COL17A1: variants seen among roughly 807,000 people sequenced by gnomAD.
COL17A1 encodes the protein collagen alpha-1(XVII) chain.
A neutral mutation model predicts 218.4 loss-of-function variants in COL17A1; 181 were observed. The observed-to-expected ratio is 0.83, with a 90% CI of 0.73 to 0.94. The LOEUF is 0.94. Ranked by LOEUF, COL17A1 falls within the 40% of genes least tolerant of loss-of-function variation. The pLI is 0.00. For missense variants in COL17A1, 1,924 were observed against 1,945.9 expected (o/e 0.99, Z 0.21); for synonymous variants, 721 against 731.0 (o/e 0.99, Z 0.22).
At chr10:104,046,117 G>A (rs1355138149) in intron 32 of COL17A1, among the ~76,000 whole-genome samples, 2 of 152,194 alleles carry the variant, frequency 1.3e-5, no homozygotes, top group East Asian at 1.9e-4. Context: ...TCCCCTGCAG[G>A]GGAGGGGCTC....
chr10:104,035,459 C>G lies in COL17A1; in HGVS notation c.3508+15G>C. 1 of 1,613,962 alleles carries G rather than the reference C, an allele frequency of 6.2e-7. No homozygotes were observed. Among genetic ancestry groups the G allele is most frequent in the Non-Finnish European group, 8.5e-7 (1 of 1,179,930 alleles). Reference sequence around the variant, plus strand: ...TCCCCAACCAGTTGGACAGATGTCCCCTGCTGGGCCTTACCTCGCAGCAAG... The same window carrying G: ...TCCCCAACCAGTTGGACAGATGTCCGCTGCTGGGCCTTACCTCGCAGCAAG... On this transcript the variant is annotated intron_variant, in intron 49 of 55. Coordinates refer to ENST00000648076, the MANE Select transcript of COL17A1 (RefSeq NM_000494.4).
chr10:104,035,987 C>T (rs28579162), intron 48 of COL17A1, among the ~76,000 whole-genome samples: 2 of 102,300 alleles, frequency 2.0e-5, no homozygotes, highest in Non-Finnish European at 3.9e-5. Flanking sequence ...TATGGGAATG[C>T]GTGTGTGTAT....
chr10:104,054,907 C>A, intron 20 of COL17A1, 74 bp downstream of exon 20: 1 of 1,610,282 alleles, frequency 6.2e-7, no homozygotes, highest in Non-Finnish European at 8.5e-7. Context: ...GGTGGGTTTT[C>A]TGACACTTGC....
At chr10:104,043,187 C>T (rs1035842982) in intron 35 of COL17A1, among the ~76,000 whole-genome samples, 8 of 152,196 alleles carry the variant, frequency 5.3e-5, no homozygotes, top group Non-Finnish European at 1.2e-4. Context: ...TGGAGGTAGA[C>T]TGATCTGGGC....
At chr10:104,040,443 A>G in intron 39 of COL17A1, 33 bp from the exon 40 acceptor site, 2 of 1,480,940 alleles carry the variant, frequency 1.4e-6, no homozygotes, top group Non-Finnish European at 1.9e-6. Flanking sequence ...GAGTATGGAC[A>G]CTGATGTTTG....
In COL17A1 at chr10:104,060,300, G is replaced by A. The variant is rs773658952; in HGVS notation, c.980-20C>T. The stretch of plus-strand genomic sequence containing the variant: ...TGCAGGCTGGGGAGAAAGAAAATGG[G>A]TAAGAAGGAAGGACATGTGCCAGGA... On this transcript the variant is annotated intron_variant, in intron 13 of 55. Transcript: ENST00000648076. The A allele has an allele frequency of 6.2e-7, 1 of 1,613,708 alleles. No individual in the cohort carries two copies. Among genetic ancestry groups the A allele is most frequent in the Non-Finnish European group, 8.5e-7 (1 of 1,179,956 alleles).
At chr10:104,034,557 C>T (rs2086255303) in intron 51 of COL17A1, 64 bp downstream of exon 51, 3 of 1,574,038 alleles carry the variant, frequency 1.9e-6, no homozygotes, top group East Asian at 2.3e-5. Context: ...CCTCCCTGCC[C>T]CACTTACAGG....
Position 104,056,976 on chromosome 10 carries a change from C to T in COL17A1, c.1464G>A (p.Leu488=). Reference sequence around the variant, plus strand: ...TGCCCTGCTGCCTTTGCCACGTACCCAGAGCAATGAGGCCGAAGAGCAGCC... The same window carrying T: ...TGCCCTGCTGCCTTTGCCACGTACCTAGAGCAATGAGGCCGAAGAGCAGCC... ...LLGLLFGLIA[L]AEEVRKLKAR... Residue 488 remains leucine (L), a splice_region_variant and synonymous_variant, in exon 17 of 56, where the codon CTG becomes CTA. Transcript: ENST00000648076. 6.4e-7 allele frequency: 1 copy of T among 1,571,954 alleles called. No homozygotes were observed. Among genetic ancestry groups the T allele is most frequent in the Non-Finnish European group, 8.6e-7 (1 of 1,159,278 alleles).
chr10:104,083,657 T>TAC (rs752073019), intron 1 of COL17A1, among the ~76,000 whole-genome samples: 8 of 151,954 alleles, frequency 5.3e-5, no homozygotes, highest in East Asian at 1.9e-4. Context: ...CTGTCTAACA[T>TAC]ACACACACAC....
At chr10:104,069,791 C>T (rs926592921) in intron 9 of COL17A1, among the ~76,000 whole-genome samples, 6 of 152,156 alleles carry the variant, frequency 3.9e-5, no homozygotes, top group African/African-American at 1.4e-4. Context: ...CTAATTAAGA[C>T]TTGAAAAGAA....
At chr10:104,047,700 A>G (rs1194788861) in intron 31 of COL17A1, 39 bp downstream of exon 31, 2 of 1,543,110 alleles carry the variant, frequency 1.3e-6, no homozygotes, top group Non-Finnish European at 1.8e-6. Flanking sequence ...GCACACACAC[A>G]CTAAGCAGGG....
chr10:104,081,690 A>G (rs1422016271), intron 1 of COL17A1, among the ~76,000 whole-genome samples: 3 of 152,102 alleles, frequency 2.0e-5, no homozygotes, highest in African/African-American at 4.8e-5. Context: ...TAGAATGCTG[A>G]GGCACACTGC....
chr10:104,052,006 A>G, intron 24 of COL17A1, 149 bp downstream of exon 24: 1 of 1,003,582 alleles, frequency 1.0e-6, no homozygotes, highest in Non-Finnish European at 1.6e-6. Context: ...TTTCTGGGGG[A>G]TGCTCTTTGG....
intron 17 of COL17A1, among the ~76,000 whole-genome samples, chr10:104,056,395 ACAC>A (rs2086526686): frequency 3.3e-5 from 5 of 152,142 alleles, no homozygotes; most frequent in African/African-American, 1.2e-4. Context: ...ATCCTGGCTA[ACAC>A]AGTGAAACCC....
At chr10:104,056,152 GC>G (rs2086523453) in intron 17 of COL17A1, 149 bp from the exon 18 acceptor site, 1 of 967,454 alleles carries the variant, frequency 1.0e-6, no homozygotes, top group Admixed American at 1.9e-5. Context: ...ATCTGCCGTG[GC>G]CACCAGCAGG....
At chr10:104,068,746 A>G (rs565122265) in intron 9 of COL17A1, among the ~76,000 whole-genome samples, 2 of 152,244 alleles carry the variant, frequency 1.3e-5, no homozygotes, top group Non-Finnish European at 2.9e-5. Context: ...GCTGTGGGGA[A>G]CAGGCTTGCA....
At chr10:104,059,543 TG>T in intron 15 of COL17A1, 94 bp downstream of exon 15, 2 of 1,148,440 alleles carry the variant, frequency 1.7e-6, no homozygotes, top group South Asian at 2.5e-5. Context: ...TGCTGGCCCG[TG>T]GACCACACTT....
At position 104,072,077 on chromosome 10, in the gene COL17A1, T is replaced by G. The variant is rs931998303; in HGVS notation, c.418A>C (p.Ser140Arg). ...CTCTGCAGTCGAACTCGAATTTCAC[T>G]CTCTGTACAAGGGAAGAGATAGAGA... ...STRGRSQTRESEIRVRLQSAS... is the reference protein window; with the variant it reads ...STRGRSQTREREIRVRLQSAS... Residue 140 changes from serine to arginine, a missense_variant and splice_region_variant, in exon 8 of 56, where the codon AGT becomes CGT. Transcript: ENST00000648076. The G allele has an allele frequency of 4.3e-6, 7 of 1,613,932 alleles. No homozygotes were observed. The African/African-American group carries it at 6.7e-5, about 15-fold the overall frequency.
At chr10:104,068,922 G>C (rs536050958) in intron 9 of COL17A1, among the ~76,000 whole-genome samples, 5 of 152,314 alleles carry the variant, frequency 3.3e-5, no homozygotes, top group African/African-American at 1.2e-4. Context: ...GGTGCTCCCT[G>C]ATGGGAGAGA....
Sources: gnomAD v4.1 joint callset for allele counts (sites outside exome capture counted in the v4.1 genomes callset) on GRCh38, gnomAD v4.1.1 for gene constraint, MANE v1.5 for transcripts, NCBI Gene and HGNC (gene_info 2026-07-23, HGNC 2026-07-21) for gene names.